The following AP2A2 variants were observed in gnomAD, a reference collection of about 807,000 sequenced individuals.
AP2A2 encodes the protein AP-2 complex subunit alpha-2.
Under a neutral mutation model 104.2 loss-of-function variants are expected in AP2A2, and 32 were observed. The observed-to-expected ratio is 0.31, with a 90% CI of 0.23 to 0.41. AP2A2 has a LOEUF of 0.41. Ranked by LOEUF, AP2A2 falls within the 10% of genes least tolerant of loss-of-function variation. The pLI, the probability that AP2A2 is intolerant of heterozygous loss-of-function variation, is 1.00. For synonymous variants in AP2A2, 539 were observed against 533.3 expected, an observed-to-expected ratio of 1.01 and a Z score of -0.15; for missense variants, 912 against 1,261.0, an observed-to-expected ratio of 0.72 and a Z score of 4.19.
intron 14 of AP2A2, among the ~76,000 whole-genome samples, chr11:998,982 G>T (rs1323046599): frequency 6.6e-6 from 1 of 151,890 alleles, no homozygotes; most frequent in Non-Finnish European, 1.5e-5. Context: ...GTGAGCCACC[G>T]TGCCAGGCTG....
At chr11:930,179 G>A (rs542878696) in intron 1 of AP2A2, among the ~76,000 whole-genome samples, 29 of 150,606 alleles carry the variant, frequency 1.9e-4, no homozygotes, top group African/African-American at 6.6e-4. Flanking sequence ...CGGACAGGGA[G>A]CATGTGGACA....
intron 21 of AP2A2, 53 bp downstream of exon 21, chr11:1,009,870 A>G: frequency 6.6e-7 from 1 of 1,519,688 alleles, no homozygotes; most frequent in Non-Finnish European, 8.9e-7. Context: ...TTATTCTGGC[A>G]CAATGTACGT....
chr11:938,048 A>C (rs552840294), intron 1 of AP2A2, among the ~76,000 whole-genome samples: 1 of 152,258 alleles, frequency 6.6e-6, no homozygotes, highest in South Asian at 2.1e-4. Context: ...AAAAACAAGA[A>C]ACAAAACGCA....
chr11:985,712 C>T (rs551609982), intron 8 of AP2A2, 130 bp downstream of exon 8: 484 of 1,317,824 alleles, frequency 3.7e-4, no homozygotes, highest in Non-Finnish European at 3.4e-4. Flanking sequence ...TGCCTCTGTG[C>T]TCCCTGCCGG....
intron 1 of AP2A2, among the ~76,000 whole-genome samples, chr11:953,309 C>T (rs1196550856): frequency 1.1e-4 from 16 of 152,008 alleles, no homozygotes; most frequent in South Asian, 2.1e-4. Context: ...GGATTACAGG[C>T]GCACGCCACC....
At chr11:967,718 C>T (rs778312715) in intron 2 of AP2A2, among the ~76,000 whole-genome samples, 5 of 152,054 alleles carry the variant, frequency 3.3e-5, no homozygotes, top group African/African-American at 4.8e-5. Context: ...TTAAGGAATA[C>T]GTCTGAGACC....
In AP2A2 at chr11:1,008,968, G is replaced by A. The variant is rs1856305168; in HGVS notation, c.2421-132G>A. The stretch of plus-strand genomic sequence containing the variant: ...CCACACACGATCCGTGGGGACTGAA[G>A]GCTCGGCCCCCCGACCCGCTCTGGT... On this transcript the variant is annotated intron_variant, in intron 18 of 21. Transcript: ENST00000448903. The A allele has an allele frequency of 1.0e-5, 7 of 692,270 alleles. No individual in the cohort carries two copies. In the South Asian group the frequency reaches 1.3e-4, roughly 13 times the overall value. 42.9% of individuals were successfully genotyped at this position (692,270 alleles called of 1,614,324 possible).
chr11:999,970 A>T (rs1855975840), intron 14 of AP2A2, among the ~76,000 whole-genome samples: 1 of 151,116 alleles, frequency 6.6e-6, no homozygotes, highest in African/African-American at 2.4e-5. Flanking sequence ...CGCCCGGCTA[A>T]TTTTTTTTGT....
At chr11:972,759 A>T (rs1854877389) in intron 4 of AP2A2, among the ~76,000 whole-genome samples, 1 of 152,226 alleles carries the variant, frequency 6.6e-6, no homozygotes, top group South Asian at 2.1e-4. Flanking sequence ...TACCACTGAG[A>T]TTCAAAACAC....
intron 10 of AP2A2, among the ~76,000 whole-genome samples, chr11:989,509 G>C (rs184513548): frequency 3.9e-5 from 6 of 152,334 alleles, no homozygotes; most frequent in African/African-American, 1.4e-4. Flanking sequence ...TTGAGCCCTT[G>C]AATTAATCCT....
At chr11:977,055 T>C (rs1855067934) in intron 4 of AP2A2, 40 bp from the exon 5 acceptor site, 10 of 1,611,902 alleles carry the variant, frequency 6.2e-6, no homozygotes, top group Non-Finnish European at 8.5e-6. Flanking sequence ...CTGCGCTGTC[T>C]TCAGCCTGTT....
intron 1 of AP2A2, among the ~76,000 whole-genome samples, chr11:954,127 C>A (rs1338343793): frequency 6.6e-6 from 1 of 152,194 alleles, no homozygotes; most frequent in Non-Finnish European, 1.5e-5. Context: ...TGCCTGGCCT[C>A]TCTACCTTCT....
chr11:956,279 C>T (rs935796548), intron 1 of AP2A2, among the ~76,000 whole-genome samples: 5 of 152,180 alleles, frequency 3.3e-5, no homozygotes, highest in Middle Eastern at 6.8e-3. Flanking sequence ...TCGTCTGTCT[C>T]AGCCTCCCAA....
At position 925,906 on chromosome 11, in the gene AP2A2, A is replaced by AGGCGGCTCCCC. The variant is rs997089254; in HGVS notation, c.-106_-96dup. On this transcript the variant is annotated 5_prime_UTR_variant, in exon 1 of 22. Transcript: ENST00000448903. ...CTGGGACCCTGAGGCGGCCGTGGTT[A>AGGCGGCTCCCC]GGCGGCTCCCCGGCGGCTCCTCCGC... The AGGCGGCTCCCC allele has an allele frequency of 1.1e-5, 8 of 740,210 alleles. No individual in the cohort carries two copies. The highest frequency in any genetic ancestry group is 7.1e-5 in the South Asian group (2 of 27,990). The allele number at this position is 740,210 out of a possible 1,614,324, so 45.9% of individuals were successfully genotyped here.
chr11:958,517 AAAAG>A (rs922696728), intron 1 of AP2A2, among the ~76,000 whole-genome samples: 7 of 152,222 alleles, frequency 4.6e-5, no homozygotes, highest in African/African-American at 1.2e-4. Context: ...GGATAAGCCA[AAAAG>A]AAAGACTATT....
chr11:1,011,615 G>C lies in AP2A2; in HGVS notation c.*990G>C. 1.2e-5 allele frequency: 5 copies of C among 403,638 alleles called. No homozygotes were observed. The highest frequency in any genetic ancestry group is 9.0e-5 in the South Asian group (5 of 55,612). The allele number at this position is 403,638 out of a possible 1,614,324, so 25.0% of individuals were successfully genotyped here. On this transcript the variant is annotated 3_prime_UTR_variant, in exon 22 of 22. Transcript: ENST00000448903. The stretch of plus-strand genomic sequence containing the variant: ...GCTGCACGTCTGACACCTGAGAGGC[G>C]AGAGAGTGGGGCCGGCCTAGGAGCC...
chr11:981,465 A>G (rs1855238405), intron 6 of AP2A2, 166 bp downstream of exon 6: 2 of 602,408 alleles, frequency 3.3e-6, no homozygotes, highest in African/African-American at 1.9e-5. Flanking sequence ...TCCTGTCTGT[A>G]CAGAAGCACA....
At chr11:1,007,722 G>A (rs1459750437) in intron 17 of AP2A2, 2 of 506,334 alleles carry the variant, frequency 3.9e-6, no homozygotes, top group African/African-American at 2.0e-5. Context: ...AAAATTGTGT[G>A]TGTAAGACCC....
At chr11:984,882 C>T (rs1855399268) in intron 7 of AP2A2, 129 bp downstream of exon 7, 5 of 796,664 alleles carry the variant, frequency 6.3e-6, no homozygotes, top group Non-Finnish European at 1.0e-5. Context: ...ATGGACCTTT[C>T]TGCCAGTGCT....
Sources: gnomAD v4.1 joint callset for allele counts (sites outside exome capture counted in the v4.1 genomes callset) on GRCh38, gnomAD v4.1.1 for gene constraint, MANE v1.5 for transcripts, NCBI Gene and HGNC (gene_info 2026-07-23, HGNC 2026-07-21) for gene names.